KMT2E: variants seen among roughly 807,000 people sequenced by gnomAD.
The protein encoded by KMT2E is lysine methyltransferase 2E (inactive), also known as histone reader KMT2E.
KMT2E carries 30 observed loss-of-function variants against 184.6 expected under a neutral mutation model. That is an observed-to-expected ratio of 0.16 (90% CI 0.12 to 0.22). The LOEUF is 0.22. Ranked by LOEUF, KMT2E falls within the 10% of genes least tolerant of loss-of-function variation. KMT2E has a pLI of 1.00. For synonymous variants in KMT2E, 815 were observed against 776.5 expected (o/e 1.05, Z -0.82); for missense variants, 2,023 against 2,237.4 (o/e 0.90, Z 1.93).
In KMT2E at chr7:105,090,045, C is replaced by G; in HGVS notation, c.1395C>G (p.Asn465Lys). The change falls in exon 14 of 27, where the codon AAC becomes AAG. Residue 465 changes from asparagine (N) to lysine (K), a missense_variant. Around this residue, in one of 8 missense-constraint regions of KMT2E, gnomAD observed 514 missense variants for 621.8 expected, o/e 0.83. Coordinates refer to ENST00000311117, the MANE Select transcript of KMT2E (RefSeq NM_182931.3). ...TGGACTGTGCATGCCTCAAAGAAAA[C>G]CCAGAGTGCCCTGTTCTAAAACGTA... ...YKVDCACLKENPECPVLKRSS... is the reference protein window; with the variant it reads ...YKVDCACLKEKPECPVLKRSS... The G allele has an allele frequency of 1.2e-6, 2 of 1,613,406 alleles. No homozygotes were observed. The highest frequency in any genetic ancestry group is 1.7e-6 in the Non-Finnish European group (2 of 1,179,800).
chr7:105,108,040 G>A, intron 22 of KMT2E, 115 bp downstream of exon 22: 1 of 669,612 alleles, frequency 1.5e-6, no homozygotes, highest in Non-Finnish European at 2.2e-6. Context: ...AGTTATTAAA[G>A]TTACATTTTT....
At chr7:105,046,020 G>C (rs1353658711) in intron 3 of KMT2E, among the ~76,000 whole-genome samples, 2 of 151,964 alleles carry the variant, frequency 1.3e-5, no homozygotes, top group African/African-American at 2.4e-5. Context: ...AGCTTTCACT[G>C]TTTTTGCATG....
chr7:105,033,647 C>T (rs1360618032), intron 1 of KMT2E, among the ~76,000 whole-genome samples: 6 of 152,046 alleles, frequency 3.9e-5, no homozygotes, highest in Admixed American at 1.3e-4. Flanking sequence ...TACAGACGCC[C>T]GCCACCACGC....
intron 5 of KMT2E, among the ~76,000 whole-genome samples, chr7:105,064,350 G>T (rs370184227): frequency 6.6e-6 from 1 of 151,298 alleles, no homozygotes; most frequent in Non-Finnish European, 1.5e-5. Context: ...GAATTTCCTG[G>T]GTCTGGTCAT....
chr7:105,072,824 G>C (rs1797376385), intron 6 of KMT2E, among the ~76,000 whole-genome samples: 1 of 151,780 alleles, frequency 6.6e-6, no homozygotes. Context: ...CTGAGGCAGG[G>C]AATCGCTTGA....
chr7:105,106,805 A>G (rs1353094298), intron 20 of KMT2E, 33 bp downstream of exon 20: 3 of 1,600,304 alleles, frequency 1.9e-6, no homozygotes, highest in Non-Finnish European at 2.6e-6. Context: ...AAAAAATTCA[A>G]CACTTGGGGG....
intron 1 of KMT2E, among the ~76,000 whole-genome samples, chr7:105,024,531 C>T (rs1375606338): frequency 6.6e-6 from 1 of 152,100 alleles, no homozygotes; most frequent in Non-Finnish European, 1.5e-5. Flanking sequence ...GGCTCAAGGA[C>T]CTCATGTATC....
At chr7:105,051,124 C>G (rs1045041056) in intron 3 of KMT2E, among the ~76,000 whole-genome samples, 1 of 150,126 alleles carries the variant, frequency 6.7e-6, no homozygotes, top group Non-Finnish European at 1.5e-5. Context: ...TCCTTTCCTC[C>G]TTTCCTCTCT....
rs184223703 is a variant in KMT2E at position 105,087,971 on chromosome 7, G to A, written c.1359-2038G>A. On this transcript the variant is annotated intron_variant, in intron 13 of 26. Coordinates refer to ENST00000311117, the MANE Select transcript of KMT2E (RefSeq NM_182931.3). The stretch of plus-strand genomic sequence containing the variant: ...ATGAAGTTTTTAAAATGTTCATTAT[G>A]TTTTCTCTTGGTGAAATCCCTTTTC... Among the ~76,000 whole-genome samples the A allele has an allele frequency of 2.0e-5, 3 of 151,176 alleles. No homozygotes were observed. The East Asian group carries it at 5.8e-4, about 29-fold the overall frequency.
intron 3 of KMT2E, among the ~76,000 whole-genome samples, chr7:105,059,975 G>GTTGTTTTTTTT (rs1796731667): frequency 4.4e-5 from 2 of 45,616 alleles, no homozygotes; most frequent in Admixed American, 2.7e-4. Context: ...TTTTCTTGTT[G>GTTGTTTTTTTT]TTGTTTTTTT....
At chr7:105,088,036 A>G (rs990220590) in intron 13 of KMT2E, among the ~76,000 whole-genome samples, 2 of 151,916 alleles carry the variant, frequency 1.3e-5, no homozygotes, top group African/African-American at 4.8e-5. Context: ...AGTCAGATTT[A>G]TCATATCATT....
intron 6 of KMT2E, among the ~76,000 whole-genome samples, chr7:105,072,074 G>GA: frequency 6.6e-6 from 1 of 152,064 alleles, no homozygotes; most frequent in South Asian, 2.1e-4. Flanking sequence ...CACTTTGGGG[G>GA]AGGCCCAGGC....
In KMT2E at chr7:105,062,286, T is replaced by G. The variant is rs753209911; in HGVS notation, c.186+8T>G. The G allele has an allele frequency of 6.4e-7, 1 of 1,563,740 alleles. No individual in the cohort carries two copies. Among genetic ancestry groups the G allele is most frequent in the Non-Finnish European group, 8.8e-7 (1 of 1,139,824 alleles). On this transcript the variant is annotated splice_region_variant and intron_variant, in intron 4 of 26. Transcript: ENST00000311117. The stretch of plus-strand genomic sequence containing the variant: ...ATTGGTTTGCCCTATGCGGTAAGTG[T>G]TAAACACTTCTTTGAAAAAACATTT...
chr7:105,072,948 ATAAT>A (rs889728552), intron 6 of KMT2E, among the ~76,000 whole-genome samples: 2 of 152,192 alleles, frequency 1.3e-5, no homozygotes, highest in African/African-American at 4.8e-5. Context: ...AAAAGTGAAA[ATAAT>A]TAAAGGCAAT....
chr7:105,029,323 C>T (rs1408676917), intron 1 of KMT2E, among the ~76,000 whole-genome samples: 1 of 152,146 alleles, frequency 6.6e-6, no homozygotes, highest in Non-Finnish European at 1.5e-5. Context: ...TAATTTTGTT[C>T]ATTGCCCATT....
In KMT2E at chr7:105,114,519, C is replaced by CTAGT. The variant is rs548730172; in HGVS notation, c.*1193_*1196dup. 3.3e-5 allele frequency among the ~76,000 whole-genome samples: 5 copies of CTAGT among 152,058 alleles called. No individual in the cohort carries two copies. The highest frequency in any genetic ancestry group is 1.2e-4 in the African/African-American group (5 of 41,380). On this transcript the variant is annotated 3_prime_UTR_variant, in exon 27 of 27. Transcript: ENST00000311117. ...GTTTTTATTGCTAAAATATAAAATG[C>CTAGT]TAGTTAGTTATTAATTATTAATCTT...
chr7:105,062,174 G>A lies in KMT2E; in HGVS notation c.82G>A (p.Val28Ile), dbSNP rs367956492. Reference sequence around the variant, plus strand: ...ACTTTTTCCCCCCAGACCAGAATCCGTAGAAGCTAGCCCTGTGGTAGTTGA... The same window carrying A: ...ACTTTTTCCCCCCAGACCAGAATCCATAGAAGCTAGCCCTGTGGTAGTTGA... ...EMAAGSEPES[V>I]EASPVVVEKS... Residue 28 changes from valine to isoleucine, a missense_variant, in exon 4 of 27, where the codon GTA (valine) becomes ATA (isoleucine). Val to Ile is a conservative substitution (Grantham distance 29). Transcript: ENST00000311117. 35 of 1,610,044 alleles carry A rather than the reference G, an allele frequency of 2.2e-5. No individual in the cohort carries two copies. The South Asian group carries it at 2.6e-4, about 12-fold the overall frequency.
intron 9 of KMT2E, 36 bp from the exon 10 acceptor site, chr7:105,076,927 T>TA (rs750586963): frequency 3.6e-5 from 38 of 1,055,276 alleles, no homozygotes; most frequent in Non-Finnish European, 5.1e-5. Context: ...TGTAAGTCCG[T>TA]AAGTCCAGAT....
At chr7:105,064,192 T>TG (rs1796940311) in intron 5 of KMT2E, 1 of 291,978 alleles carries the variant, frequency 3.4e-6, no homozygotes, top group Non-Finnish European at 6.4e-6. Flanking sequence ...TTTTTTTTTT[T>TG]GACTGGGGGG....
Sources: gnomAD v4.1 joint callset for allele counts (sites outside exome capture counted in the v4.1 genomes callset) on GRCh38, gnomAD v4.1.1 for gene constraint, gnomAD v4.1.1 regional missense constraint, MANE v1.5 for transcripts, NCBI Gene and HGNC (gene_info 2026-07-23, HGNC 2026-07-21) for gene names.